The following ARHGAP24 variants were observed in gnomAD, a reference collection of about 807,000 sequenced individuals.
The protein encoded by ARHGAP24 is rho GTPase-activating protein 24.
Under a neutral mutation model 76.4 loss-of-function variants are expected in ARHGAP24, and 50 were observed. The ratio of observed to expected loss-of-function variants is 0.65; its 90% CI spans 0.52 to 0.83. The LOEUF is 0.83. ARHGAP24 is among the 40% of genes least tolerant of loss of function. ARHGAP24 has a pLI of 0.00. For missense variants in ARHGAP24, 930 were observed against 914.2 expected, an observed-to-expected ratio of 1.02 and a Z score of -0.22; for synonymous variants, 345 against 323.3, an observed-to-expected ratio of 1.07 and a Z score of -0.72.
chr4:85,746,880 C>T (rs1726062255), intron 3 of ARHGAP24, among the ~76,000 whole-genome samples: 1 of 152,010 alleles, frequency 6.6e-6, no homozygotes, highest in Non-Finnish European at 1.5e-5. Flanking sequence ...GTCTCGATCT[C>T]CTGACCTCGT....
chr4:85,835,251 AT>A (rs1180209955), intron 3 of ARHGAP24, among the ~76,000 whole-genome samples: 1 of 151,614 alleles, frequency 6.6e-6, no homozygotes, highest in Admixed American at 6.6e-5. Flanking sequence ...GCACAATGTA[AT>A]TTAAAAAAAA....
At chr4:85,935,061 T>A (rs566549394) in intron 4 of ARHGAP24, among the ~76,000 whole-genome samples, 2 of 152,360 alleles carry the variant, frequency 1.3e-5, no homozygotes, top group Non-Finnish European at 2.9e-5. Context: ...CAATAGAATG[T>A]CTTTACAGTG....
chr4:85,866,741 G>A (rs1732221067), intron 3 of ARHGAP24, among the ~76,000 whole-genome samples: 1 of 152,004 alleles, frequency 6.6e-6, no homozygotes, highest in South Asian at 2.1e-4. Context: ...GTGCCTTTTG[G>A]TGGATTGGCC....
At chr4:85,596,877 A>G (rs1004942202) in intron 2 of ARHGAP24, among the ~76,000 whole-genome samples, 5 of 152,074 alleles carry the variant, frequency 3.3e-5, no homozygotes, top group Non-Finnish European at 7.4e-5. Context: ...CAAAATGTCC[A>G]TATTTTGTTT....
At chr4:85,476,255 G>A (rs1293661810) in intron 1 of ARHGAP24, among the ~76,000 whole-genome samples, 2 of 151,786 alleles carry the variant, frequency 1.3e-5, no homozygotes, top group African/African-American at 2.4e-5. Flanking sequence ...TATTTTATAC[G>A]TACCCAAATA....
intron 2 of ARHGAP24, among the ~76,000 whole-genome samples, chr4:85,687,024 G>A (rs1163906731): frequency 2.0e-5 from 3 of 151,988 alleles, no homozygotes; most frequent in African/African-American, 7.3e-5. Flanking sequence ...ATGGAGGGGG[G>A]AGAAAACATA....
intron 1 of ARHGAP24, among the ~76,000 whole-genome samples, chr4:85,552,554 T>G (rs1165920863): frequency 6.6e-6 from 1 of 152,156 alleles, no homozygotes; most frequent in African/African-American, 2.4e-5. Flanking sequence ...AGTGTTGAGT[T>G]CAAGTCCTGA....
At chr4:85,936,062 T>A (rs991792027) in intron 4 of ARHGAP24, among the ~76,000 whole-genome samples, 1 of 152,212 alleles carries the variant, frequency 6.6e-6, no homozygotes. Flanking sequence ...TTACTTTGAT[T>A]TGCCCATTTG....
chr4:85,656,347 A>G (rs1722170081), intron 2 of ARHGAP24, among the ~76,000 whole-genome samples: 1 of 152,254 alleles, frequency 6.6e-6, no homozygotes, highest in African/African-American at 2.4e-5. Flanking sequence ...GAAACATTTC[A>G]GCTTAAAAGT....
intron 4 of ARHGAP24, chr4:85,930,788 C>A (rs1272264791): frequency 1.4e-5 from 20 of 1,466,992 alleles, no homozygotes; most frequent in Non-Finnish European, 1.8e-5. Context: ...AAGCCAGGAC[C>A]TGGATGATCA....
At chr4:85,519,354 T>C (rs1362132655) in intron 1 of ARHGAP24, among the ~76,000 whole-genome samples, 3 of 152,146 alleles carry the variant, frequency 2.0e-5, no homozygotes, top group Non-Finnish European at 2.9e-5. Flanking sequence ...TCAGAGAGGT[T>C]AAACTCCTTC....
intron 2 of ARHGAP24, among the ~76,000 whole-genome samples, chr4:85,632,441 T>C (rs1259360175): frequency 6.6e-6 from 1 of 152,056 alleles, no homozygotes; most frequent in African/African-American, 2.4e-5. Flanking sequence ...CTTGGGGCAG[T>C]AGGCATTTTT....
chr4:85,975,042 A>C, intron 7 of ARHGAP24, 81 bp downstream of exon 7: 1 of 1,284,582 alleles, frequency 7.8e-7, no homozygotes. Context: ...CAACGAATAA[A>C]ATCACTCAAC....
intron 2 of ARHGAP24, among the ~76,000 whole-genome samples, chr4:85,643,681 T>G (rs1043652029): frequency 2.0e-5 from 3 of 152,188 alleles, no homozygotes; most frequent in African/African-American, 7.2e-5. Flanking sequence ...GGATGTGTTT[T>G]TTTTTCCACT....
At chr4:85,625,301 C>A (rs1371544609) in intron 2 of ARHGAP24, among the ~76,000 whole-genome samples, 1 of 152,164 alleles carries the variant, frequency 6.6e-6, no homozygotes, top group Non-Finnish European at 1.5e-5. Context: ...CAAAGAACAT[C>A]ATTATTTCTG....
At chr4:85,563,832 A>G (rs4693117) in intron 1 of ARHGAP24, among the ~76,000 whole-genome samples, 151,992 of 152,326 alleles carry the variant, frequency 1, 75,830 homozygotes, top group Non-Finnish European at 1. Flanking sequence ...AGCTGAACAC[A>G]TTAAATCAAG....
intron 2 of ARHGAP24, among the ~76,000 whole-genome samples, chr4:85,613,578 C>G (rs1393953173): frequency 2.0e-5 from 3 of 152,114 alleles, no homozygotes; most frequent in Admixed American, 1.3e-4. Context: ...CGCCATATGT[C>G]CTCTTAATTC....
chr4:85,908,678 A>G (rs1734907235), intron 3 of ARHGAP24, among the ~76,000 whole-genome samples: 1 of 152,166 alleles, frequency 6.6e-6, no homozygotes, highest in Non-Finnish European at 1.5e-5. Flanking sequence ...TTTCCAGTCT[A>G]AGAGACAATG....
At chr4:85,541,889 CCTGACCTAGTACACTAT>C (rs1252897515) in intron 1 of ARHGAP24, among the ~76,000 whole-genome samples, 18 of 152,098 alleles carry the variant, frequency 1.2e-4, no homozygotes, top group African/African-American at 4.4e-4. Context: ...GTGTGGAAGG[CCTGACCTAGTACACTAT>C]TAGAAAGAAA....
Sources: allele counts gnomAD v4.1 joint callset (sites outside exome capture counted in the v4.1 genomes callset), GRCh38; gene constraint gnomAD v4.1.1; transcripts MANE v1.5; gene names NCBI Gene and HGNC (gene_info 2026-07-23, HGNC 2026-07-21).